DLEU7: variants seen among roughly 807,000 people sequenced by gnomAD.
DLEU7 encodes the protein leukemia-associated protein 7.
In DLEU7, 17 loss-of-function variants were observed where a neutral mutation model predicts 16.0. The ratio of observed to expected loss-of-function variants is 1.06; its 90% CI spans 0.73 to 1.59. The LOEUF (loss-of-function observed/expected upper bound fraction) is 1.59, where lower values mean the gene tolerates loss of function less well. Ranked by LOEUF, DLEU7 falls within the 40% of genes most tolerant of loss-of-function variation. The probability of loss-of-function intolerance (pLI) is 0.00; values close to 1 mark genes in which losing one functional copy is unlikely to be tolerated. For synonymous variants in DLEU7, 113 were observed against 139.8 expected, an observed-to-expected ratio of 0.81 and a Z score of 1.35; for missense variants, 308 against 314.9, an observed-to-expected ratio of 0.98 and a Z score of 0.17.
chr13:50,812,944 C>T lies in DLEU7; in HGVS notation c.459+30244G>A, dbSNP rs541683543. ...TGATTTGAGCTGTTGCCTTTGAAAA[C>T]CCAAATGGTCCGAAAAGATAAAACA... On this transcript the variant is annotated intron_variant, in intron 1 of 1. Transcript: ENST00000400393. The T allele has an allele frequency of 2.0e-5, 3 of 151,808 alleles. 1 individual carries two copies. In the South Asian group the frequency reaches 6.2e-4, roughly 31 times the overall value. 9.4% of individuals were successfully genotyped at this position (151,808 alleles called of 1,614,324 possible). A position where few individuals can be genotyped will look rare whatever the true frequency, so the allele number is the denominator to read the frequency against.
intron 1 of DLEU7, among the ~76,000 whole-genome samples, chr13:50,840,530 C>A (rs1050815760): frequency 1.6e-4 from 25 of 152,164 alleles, no homozygotes; most frequent in African/African-American, 5.8e-4. Context: ...TATCCCCCTG[C>A]GGGTGAACAG....
chr13:50,814,653 T>C (rs1195282129), intron 1 of DLEU7, among the ~76,000 whole-genome samples: 3 of 134,176 alleles, frequency 2.2e-5, no homozygotes, highest in South Asian at 5.5e-4. Context: ...GTGGTAGTTA[T>C]ACAAATCTAT....
At chr13:50,767,376 A>G (rs1229142405) in intron 1 of DLEU7, among the ~76,000 whole-genome samples, 1 of 149,442 alleles carries the variant, frequency 6.7e-6, no homozygotes, top group Admixed American at 6.7e-5. Flanking sequence ...GAATGGCGTG[A>G]ACCCGGGAGG....
intron 1 of DLEU7, among the ~76,000 whole-genome samples, chr13:50,732,741 A>G (rs1873950161): frequency 6.6e-6 from 1 of 152,180 alleles, no homozygotes; most frequent in Admixed American, 6.5e-5. Context: ...AAAATTCAAA[A>G]TGAATTCTAT....
chr13:50,843,724 A>C, upstream of DLEU7: 5 of 1,462,610 alleles, frequency 3.4e-6, no homozygotes, highest in Non-Finnish European at 3.6e-6. The surrounding 1 kb of genome is among the most constrained non-coding windows in gnomAD (Gnocchi z 5.7). Context: ...GGGGTCGCCA[A>C]GGTCACATTT....
At chr13:50,727,237 G>A (rs561100066) in intron 1 of DLEU7, among the ~76,000 whole-genome samples, 1 of 152,306 alleles carries the variant, frequency 6.6e-6, no homozygotes, top group East Asian at 1.9e-4. Context: ...GTGTGTGAGT[G>A]TGTGTGAGCA....
downstream of DLEU7, chr13:50,822,555 G>A (rs1252326311): frequency 1.1e-6 from 1 of 902,570 alleles, no homozygotes; most frequent in African/African-American, 1.8e-5. Flanking sequence ...CCTGCCAGTA[G>A]ATCCACTCCT....
chr13:50,746,785 G>A (rs1454121798), intron 1 of DLEU7, among the ~76,000 whole-genome samples: 2 of 152,130 alleles, frequency 1.3e-5, no homozygotes, highest in East Asian at 1.9e-4. Context: ...CTAGTAGATA[G>A]GACAGAAATG....
intron 1 of DLEU7, among the ~76,000 whole-genome samples, chr13:50,839,759 G>A (rs1877586729): frequency 6.6e-6 from 1 of 152,166 alleles, no homozygotes; most frequent in South Asian, 2.1e-4. Flanking sequence ...CAGTCAATAA[G>A]AATTCATGAG....
rs973914985 is a variant in DLEU7 at position 50,822,961 on chromosome 13, A to G, written c.*353T>C. The G allele has an allele frequency of 1.1e-6, 1 of 949,054 alleles. No homozygotes were observed. Among genetic ancestry groups the G allele is most frequent in the East Asian group, 9.8e-5 (1 of 10,240 alleles). 58.8% of individuals were successfully genotyped at this position (949,054 alleles called of 1,614,324 possible). A position where few individuals can be genotyped will look rare whatever the true frequency, so the allele number is the denominator to read the frequency against. ...TAAATAACCACATTAAACCCTTTAG[A>G]CCTACATTAATATGAATACAAATTA... On this transcript the variant is annotated 3_prime_UTR_variant, in exon 2 of 2. Transcript: ENST00000504404.
At chr13:50,800,555 C>T (rs968618918) in intron 1 of DLEU7, among the ~76,000 whole-genome samples, 6 of 152,098 alleles carry the variant, frequency 3.9e-5, no homozygotes, top group Non-Finnish European at 8.8e-5. Context: ...CTAGGCTGCC[C>T]TTTGAGGAAG....
chr13:50,837,223 C>T (rs1335290975), intron 1 of DLEU7, among the ~76,000 whole-genome samples: 1 of 152,166 alleles, frequency 6.6e-6, no homozygotes, highest in African/African-American at 2.4e-5. Context: ...CACACCATTT[C>T]CAGCTGAAAA....
chr13:50,753,920 C>T (rs1874672376), intron 1 of DLEU7, among the ~76,000 whole-genome samples: 1 of 152,214 alleles, frequency 6.6e-6, no homozygotes, highest in African/African-American at 2.4e-5. Flanking sequence ...ATCTTGATTT[C>T]GTTTTTTGAC....
chr13:50,783,131 T>G (rs770781597), intron 1 of DLEU7, among the ~76,000 whole-genome samples: 1 of 152,216 alleles, frequency 6.6e-6, no homozygotes, highest in African/African-American at 2.4e-5. Flanking sequence ...GTAGATGGAT[T>G]CTAAAGTGTG....
intron 1 of DLEU7, among the ~76,000 whole-genome samples, chr13:50,827,151 C>T (rs973992943): frequency 2.6e-5 from 4 of 152,118 alleles, no homozygotes; most frequent in African/African-American, 7.2e-5. Flanking sequence ...TTTAGGACAT[C>T]TAAATGTGGT....
chr13:50,828,315 C>T (rs1877159468), intron 1 of DLEU7, among the ~76,000 whole-genome samples: 1 of 152,146 alleles, frequency 6.6e-6, no homozygotes. Context: ...ATCAGAAAGA[C>T]TCTATCATGC....
At chr13:50,808,739 A>G (rs918103851) in intron 1 of DLEU7, 2 of 152,156 alleles carry the variant, frequency 1.3e-5, no homozygotes, top group Non-Finnish European at 2.9e-5. Flanking sequence ...ACTGATTTAT[A>G]AATTGGGTTT....
At chr13:50,759,120 C>A (rs1378874688) in intron 1 of DLEU7, among the ~76,000 whole-genome samples, 4 of 152,226 alleles carry the variant, frequency 2.6e-5, no homozygotes, top group African/African-American at 9.6e-5. Flanking sequence ...CAAACACATT[C>A]CCTTAGACAG....
intron 1 of DLEU7, among the ~76,000 whole-genome samples, chr13:50,754,326 GT>G (rs1392568122): frequency 6.6e-6 from 1 of 152,120 alleles, no homozygotes; most frequent in Non-Finnish European, 1.5e-5. Flanking sequence ...AGGTCTATTA[GT>G]AATTGTTTTA....
Sources: allele counts gnomAD v4.1 joint callset (sites outside exome capture counted in the v4.1 genomes callset), GRCh38; gene constraint gnomAD v4.1.1; non-coding constraint Gnocchi (gnomAD v3.1); transcripts MANE v1.5; gene names NCBI Gene and HGNC (gene_info 2026-07-23, HGNC 2026-07-21).